Variants in GULP1 observed in about 807,000 individuals in gnomAD.
GULP1 encodes the protein GULP PTB domain containing engulfment adaptor 1, also known as PTB domain-containing engulfment adapter protein 1.
Under a neutral mutation model 40.9 loss-of-function variants are expected in GULP1, and 19 were observed. The ratio of observed to expected loss-of-function variants is 0.46; its 90% CI spans 0.32 to 0.68. GULP1 has a LOEUF of 0.68. GULP1 is among the 30% of genes least tolerant of loss of function. The probability of loss-of-function intolerance (pLI) is 0.03; values close to 1 mark genes in which losing one functional copy is unlikely to be tolerated. For missense variants in GULP1, 312 were observed against 362.2 expected, an observed-to-expected ratio of 0.86 and a Z score of 1.12; for synonymous variants, 119 against 117.6, an observed-to-expected ratio of 1.01 and a Z score of -0.08.
chr2:188,556,615 ATTTGTTTGATTTT>A (rs1407745180), intron 7 of GULP1, among the ~76,000 whole-genome samples: 2 of 152,064 alleles, frequency 1.3e-5, no homozygotes, highest in Non-Finnish European at 2.9e-5. Flanking sequence ...AAGGTGTCAT[ATTTGTTTGATTTT>A]TTTGTTTCCT....
intron 1 of GULP1, among the ~76,000 whole-genome samples, chr2:188,348,550 T>C (rs2044011502): frequency 6.6e-6 from 1 of 152,212 alleles, no homozygotes; most frequent in Non-Finnish European, 1.5e-5. Flanking sequence ...GGAGGAAGTG[T>C]TAGATAAAAG....
At chr2:188,495,084 AGATCAAAG>A (rs1418541595) in intron 4 of GULP1, among the ~76,000 whole-genome samples, 1 of 152,048 alleles carries the variant, frequency 6.6e-6, no homozygotes, top group Non-Finnish European at 1.5e-5. Context: ...TGCTTTCACT[AGATCAAAG>A]GATCTTGGGA....
intron 2 of GULP1, among the ~76,000 whole-genome samples, chr2:188,462,167 T>C (rs1443955666): frequency 6.6e-6 from 1 of 152,208 alleles, no homozygotes; most frequent in Non-Finnish European, 1.5e-5. Context: ...AACTTTCTGC[T>C]TAGTTTCCTC....
chr2:188,368,953 A>G (rs1354243249), intron 1 of GULP1, among the ~76,000 whole-genome samples: 9 of 117,216 alleles, frequency 7.7e-5, no homozygotes, highest in African/African-American at 3.2e-4. Context: ...ATATATATAT[A>G]TATATATATA....
chr2:188,439,775 A>G (rs1041188074), intron 2 of GULP1, among the ~76,000 whole-genome samples: 3 of 152,122 alleles, frequency 2.0e-5, no homozygotes, highest in Non-Finnish European at 4.4e-5. Context: ...AAAATTTGCA[A>G]TATGCTTTTC....
intron 9 of GULP1, chr2:188,582,490 G>T: frequency 2.1e-6 from 1 of 471,566 alleles, no homozygotes. Context: ...GACTATCACT[G>T]GGACTGTTAA....
intron 2 of GULP1, among the ~76,000 whole-genome samples, chr2:188,419,316 C>G (rs1489641990): frequency 6.6e-6 from 1 of 152,010 alleles, no homozygotes; most frequent in Non-Finnish European, 1.5e-5. Flanking sequence ...GTATTCCCAT[C>G]AACAGCTGTG....
intron 2 of GULP1, among the ~76,000 whole-genome samples, chr2:188,472,068 T>C (rs112904560): frequency 2.0e-5 from 3 of 152,324 alleles, no homozygotes; most frequent in African/African-American, 7.2e-5. Flanking sequence ...TTTTTTTCCT[T>C]TAGCAGTTTA....
chr2:188,525,567 T>A (rs1685953829), intron 5 of GULP1, among the ~76,000 whole-genome samples: 1 of 152,120 alleles, frequency 6.6e-6, no homozygotes, highest in African/African-American at 2.4e-5. Context: ...GGGGGCTGAA[T>A]GTATTTCATA....
intron 2 of GULP1, among the ~76,000 whole-genome samples, chr2:188,470,912 A>G (rs1400831234): frequency 6.6e-6 from 1 of 152,172 alleles, no homozygotes; most frequent in East Asian, 1.9e-4. Context: ...TTCTGTAAAT[A>G]TCTGTTACCT....
chr2:188,355,685 T>C (rs2152326882), intron 1 of GULP1, among the ~76,000 whole-genome samples: 1 of 152,120 alleles, frequency 6.6e-6, no homozygotes, highest in East Asian at 1.9e-4. Flanking sequence ...GCCAGTATTA[T>C]CCTGATATCA....
chr2:188,342,399 T>G (rs2043091748), intron 1 of GULP1, among the ~76,000 whole-genome samples: 1 of 152,144 alleles, frequency 6.6e-6, no homozygotes, highest in Admixed American at 6.5e-5. Flanking sequence ...AGATCTCTCC[T>G]TTTATAAGGA....
chr2:188,539,275 C>T (rs1166928592), intron 6 of GULP1, among the ~76,000 whole-genome samples: 1 of 151,998 alleles, frequency 6.6e-6, no homozygotes, highest in Non-Finnish European at 1.5e-5. Flanking sequence ...GTAATATTTT[C>T]TCTTTATTTA....
At chr2:188,529,272 A>G in intron 6 of GULP1, 77 bp downstream of exon 6, 9 of 748,812 alleles carry the variant, frequency 1.2e-5, no homozygotes, top group Non-Finnish European at 1.8e-5. Flanking sequence ...AATATTTAAA[A>G]TTTTTTGCCA....
intron 1 of GULP1, among the ~76,000 whole-genome samples, chr2:188,372,953 C>T (rs2047799056): frequency 6.6e-6 from 1 of 151,964 alleles, no homozygotes; most frequent in Non-Finnish European, 1.5e-5. Context: ...TTTTATCCTT[C>T]TATCCAAGAA....
At chr2:188,310,529 T>G (rs1390276664) in intron 1 of GULP1, among the ~76,000 whole-genome samples, 1 of 152,144 alleles carries the variant, frequency 6.6e-6, no homozygotes, top group African/African-American at 2.4e-5. Context: ...CAAGGAAATA[T>G]GAGACAAAGA....
intron 2 of GULP1, among the ~76,000 whole-genome samples, chr2:188,404,753 G>A (rs978622706): frequency 3.3e-5 from 5 of 152,076 alleles, no homozygotes; most frequent in Non-Finnish European, 7.4e-5. Flanking sequence ...CATAGACCAG[G>A]CCAGCCCCCG....
At chr2:188,415,076 C>T (rs2054408480) in intron 2 of GULP1, among the ~76,000 whole-genome samples, 1 of 152,214 alleles carries the variant, frequency 6.6e-6, no homozygotes. Flanking sequence ...AGAACTTAAG[C>T]AGCACTGGTT....
intron 1 of GULP1, among the ~76,000 whole-genome samples, chr2:188,301,838 C>T (rs997117029): frequency 2.0e-5 from 3 of 152,054 alleles, no homozygotes; most frequent in Non-Finnish European, 2.9e-5. Context: ...TCTTTTGTCA[C>T]GAGGAGATTC....
Sources: allele counts gnomAD v4.1 joint callset (sites outside exome capture counted in the v4.1 genomes callset), GRCh38; gene constraint gnomAD v4.1.1; transcripts MANE v1.5; gene names NCBI Gene and HGNC (gene_info 2026-07-23, HGNC 2026-07-21).